RGS13: variants seen among roughly 807,000 people sequenced by gnomAD.
The protein encoded by RGS13 is regulator of G protein signaling 13, also known as regulator of G-protein signalling 13.
RGS13 carries 14 observed loss-of-function variants against 19.9 expected under a neutral mutation model. The ratio of observed to expected loss-of-function variants is 0.70; its 90% CI spans 0.46 to 1.10. The LOEUF (loss-of-function observed/expected upper bound fraction) is 1.10, where lower values mean the gene tolerates loss of function less well. RGS13 is among the 50% of genes least tolerant of loss of function. The pLI is 0.00. For missense variants in RGS13, 205 were observed against 187.1 expected (o/e 1.10, Z -0.56); for synonymous variants, 60 against 56.8 (o/e 1.06, Z -0.25).
Position 192,659,455 on chromosome 1 carries a change from C to A in RGS13, c.412C>A (p.Pro138Thr). 1 of 1,612,668 alleles carries A rather than the reference C, an allele frequency of 6.2e-7. No individual in the cohort carries two copies. The highest frequency in any genetic ancestry group is 8.5e-7 in the Non-Finnish European group (1 of 1,179,276). Residue 138 changes from proline (P) to threonine (T), a missense_variant, in exon 7 of 7, where the codon CCC (proline) becomes ACC (threonine). By Grantham distance (38) the Pro-to-Thr change is conservative. Transcript: ENST00000391995. ...TATGCATATGGAAAGGGATTCCTAC[C>A]CCAGATTTCTAAAGTCAGAAATGTA... The part of the protein sequence containing the change: ...VYMHMERDSY[P>T]RFLKSEMYQK...
chr1:192,648,672 G>GT lies in RGS13; in HGVS notation c.127+693dup, dbSNP rs202054102. Among the ~76,000 whole-genome samples the GT allele has an allele frequency of 7.3e-3, 1,110 of 152,038 alleles. 15 individuals are homozygous for GT. The highest frequency in any genetic ancestry group is 0.024 in the African/African-American group (1,003 of 41,480). ...GAAAATTCTCTTGTTGAATTTGGTA[G>GT]TTTTTTTTAAATGGAGTTGGTTCCC... On this transcript the variant is annotated intron_variant, in intron 5 of 6. Transcript: ENST00000391995.
In RGS13 at chr1:192,652,216, C is replaced by T. The variant is rs190194266; in HGVS notation, c.127+4229C>T. On this transcript the variant is annotated intron_variant, in intron 5 of 6. Transcript: ENST00000391995. Reference sequence around the variant, plus strand: ...ACATACTGCTGAAGGCAATGAAGGCCGCTCCATATCATGAACCATCTGTGT... The same window carrying T: ...ACATACTGCTGAAGGCAATGAAGGCTGCTCCATATCATGAACCATCTGTGT... Among the ~76,000 whole-genome samples the T allele has an allele frequency of 3.3e-3, 499 of 152,174 alleles. 4 individuals are homozygous for T. Among genetic ancestry groups the T allele is most frequent in the African/African-American group, 0.012 (478 of 41,526 alleles).
intron 1 of RGS13, 121 bp downstream of exon 1, chr1:192,636,438 G>GA (rs1487713086): frequency 6.6e-6 from 1 of 151,760 alleles, no homozygotes; most frequent in Non-Finnish European, 1.5e-5. Flanking sequence ...GTTTTTCTAA[G>GA]AAAAAAAGAC....
chr1:192,638,963 A>G (rs1021253479), intron 3 of RGS13, among the ~76,000 whole-genome samples: 94 of 152,260 alleles, frequency 6.2e-4, no homozygotes, highest in African/African-American at 2.1e-3. Context: ...CTTAAAGTCT[A>G]GTAGGAGTAG....
At chr1:192,637,323 A>G (rs570146051) in intron 1 of RGS13, among the ~76,000 whole-genome samples, 29 of 151,936 alleles carry the variant, frequency 1.9e-4, no homozygotes, top group Non-Finnish European at 3.8e-4. Flanking sequence ...TAAGATAAAT[A>G]TAGATTATTT....
intron 1 of RGS13, 42 bp downstream of exon 1, chr1:192,636,359 T>C (rs879853712): frequency 4.6e-5 from 7 of 152,060 alleles, no homozygotes; most frequent in Non-Finnish European, 1.0e-4. Context: ...AATACAAGAC[T>C]ATTGGCTTGC....
At position 192,647,975 on chromosome 1, in the gene RGS13, A is replaced by G; in HGVS notation, c.115A>G (p.Met39Val). The change falls in exon 5 of 7, where the codon ATG becomes GTG. Residue 39 changes from methionine (M) to valine (V), a missense_variant. Met to Val is a conservative substitution (Grantham distance 21). Coordinates refer to ENST00000391995, the MANE Select transcript of RGS13 (RefSeq NM_002927.5). ...LQWAQSFENL[M>V]ATKYGPVVYA... ...GTGGGCCCAGTCTTTTGAAAATTTA[A>G]TGGCTACAAAATGTGAGTATTGCGT... The G allele has an allele frequency of 6.3e-7, 1 of 1,598,070 alleles. No homozygotes were observed. Among genetic ancestry groups the G allele is most frequent in the Non-Finnish European group, 8.5e-7 (1 of 1,170,608 alleles).
intron 5 of RGS13, among the ~76,000 whole-genome samples, chr1:192,657,375 G>A (rs1344774113): frequency 6.6e-6 from 1 of 151,992 alleles, no homozygotes; most frequent in African/African-American, 2.4e-5. Context: ...TGTTAGATTT[G>A]TGAGAGCTCA....
intron 3 of RGS13, among the ~76,000 whole-genome samples, chr1:192,643,971 A>G (rs562055839): frequency 5.9e-5 from 9 of 152,054 alleles, no homozygotes; most frequent in East Asian, 1.9e-4. Flanking sequence ...AAAAATAAAA[A>G]TAAGAATTGT....
intron 3 of RGS13, among the ~76,000 whole-genome samples, chr1:192,638,518 C>T (rs772612167): frequency 6.6e-6 from 1 of 151,924 alleles, no homozygotes; most frequent in Non-Finnish European, 1.5e-5. Flanking sequence ...GTACATGGTA[C>T]GTGTGAATCC....
intron 3 of RGS13, 111 bp from the exon 4 acceptor site, chr1:192,644,220 G>A (rs1263165876): frequency 2.8e-6 from 2 of 704,732 alleles, no homozygotes; most frequent in African/African-American, 3.7e-5. Flanking sequence ...AACTTCAAGA[G>A]CCCATCTTTT....
At chr1:192,645,623 T>C (rs1295800982) in intron 4 of RGS13, 1 of 152,010 alleles carries the variant, frequency 6.6e-6, no homozygotes, top group African/African-American at 2.4e-5. Flanking sequence ...CCACTGCCCA[T>C]CCGCCCAGAA....
At chr1:192,640,398 G>C (rs752728980) in intron 3 of RGS13, among the ~76,000 whole-genome samples, 4 of 152,064 alleles carry the variant, frequency 2.6e-5, no homozygotes, top group Non-Finnish European at 5.9e-5. Flanking sequence ...TTTCTTTCTA[G>C]AAAAAGGTTT....
intron 5 of RGS13, among the ~76,000 whole-genome samples, chr1:192,651,572 A>G (rs1407030084): frequency 1.3e-5 from 2 of 151,950 alleles, no homozygotes; most frequent in East Asian, 3.9e-4. Flanking sequence ...ACTTATAAGA[A>G]AAATAGAGGA....
chr1:192,654,121 T>C (rs937350274), intron 5 of RGS13, among the ~76,000 whole-genome samples: 1 of 151,698 alleles, frequency 6.6e-6, no homozygotes, highest in Non-Finnish European at 1.5e-5. Flanking sequence ...ACATTATATA[T>C]ATATTTTTGC....
intron 5 of RGS13, among the ~76,000 whole-genome samples, chr1:192,652,323 A>C (rs1663357253): frequency 6.6e-6 from 1 of 152,012 alleles, no homozygotes; most frequent in Admixed American, 6.6e-5. Flanking sequence ...CCTTTTGTAC[A>C]TCCTGATCCC....
chr1:192,641,328 G>GAGGA (rs1663118666), intron 3 of RGS13, among the ~76,000 whole-genome samples: 1 of 149,856 alleles, frequency 6.7e-6, no homozygotes, highest in African/African-American at 2.5e-5. Context: ...AGGAGGGAGG[G>GAGGA]AGGAAGGAAG....
chr1:192,655,410 G>A (rs1048873086), intron 5 of RGS13, among the ~76,000 whole-genome samples: 1 of 152,052 alleles, frequency 6.6e-6, no homozygotes, highest in Non-Finnish European at 1.5e-5. Flanking sequence ...AACAGCTAGG[G>A]TCAGCTCCAG....
chr1:192,652,953 G>A (rs566166263), intron 5 of RGS13, among the ~76,000 whole-genome samples: 31 of 152,128 alleles, frequency 2.0e-4, no homozygotes, highest in South Asian at 1.0e-3. Flanking sequence ...GAAATGTTGA[G>A]GGGGATAAAT....
Sources: allele counts gnomAD v4.1 joint callset (sites outside exome capture counted in the v4.1 genomes callset), GRCh38; gene constraint gnomAD v4.1.1; transcripts MANE v1.5; gene names NCBI Gene and HGNC (gene_info 2026-07-23, HGNC 2026-07-21).